PRUNE2: variants seen among roughly 807,000 people sequenced by gnomAD.
PRUNE2 encodes the protein prune homolog 2 with BCH domain, also known as protein prune homolog 2.
Under a neutral mutation model 252.0 loss-of-function variants are expected in PRUNE2, and 164 were observed. That is an observed-to-expected ratio of 0.65 (90% confidence interval 0.57 to 0.74). The LOEUF (loss-of-function observed/expected upper bound fraction) is 0.74, where lower values mean the gene tolerates loss of function less well. Ranked by LOEUF, PRUNE2 falls within the 30% of genes least tolerant of loss-of-function variation. The pLI is 0.00. For missense variants in PRUNE2, 3,495 were observed against 3,711.0 expected (o/e 0.94, Z 1.51); for synonymous variants, 1,292 against 1,350.2 (o/e 0.96, Z 0.94).
intron 9 of PRUNE2, chr9:76,692,253 A>G: frequency 1.4e-6 from 1 of 692,662 alleles, no homozygotes. Flanking sequence ...CTCCCCATGC[A>G]GCCGCTGTGG....
intron 6 of PRUNE2, among the ~76,000 whole-genome samples, chr9:76,820,302 T>C (rs2057963116): frequency 1.3e-5 from 2 of 152,340 alleles, no homozygotes; most frequent in African/African-American, 2.4e-5. Flanking sequence ...ATTCAGTAAC[T>C]TATATAACAA....
intron 2 of PRUNE2, among the ~76,000 whole-genome samples, chr9:76,851,398 A>G (rs1325274739): frequency 6.6e-6 from 1 of 152,178 alleles, no homozygotes; most frequent in Non-Finnish European, 1.5e-5. Flanking sequence ...ATACAAAAAA[A>G]TTAGCCGGGC....
chr9:76,780,235 G>A (rs965654330), intron 6 of PRUNE2, among the ~76,000 whole-genome samples: 1 of 152,084 alleles, frequency 6.6e-6, no homozygotes, highest in African/African-American at 2.4e-5. Context: ...TTGATTATCA[G>A]CCAGTAAACT....
At chr9:76,867,256 T>C (rs1004254593) in intron 1 of PRUNE2, among the ~76,000 whole-genome samples, 2 of 151,434 alleles carry the variant, frequency 1.3e-5, no homozygotes, top group Non-Finnish European at 1.5e-5. Context: ...CTTTCTTTTT[T>C]ATCTTTTATC....
chr9:76,717,311 T>C (rs1173956204), intron 6 of PRUNE2, among the ~76,000 whole-genome samples: 3 of 152,242 alleles, frequency 2.0e-5, no homozygotes, highest in South Asian at 2.1e-4. Context: ...GTGTTTGTTC[T>C]GCTTTTATGC....
chr9:76,660,756 T>C (rs1851018525), intron 9 of PRUNE2, among the ~76,000 whole-genome samples: 1 of 128,310 alleles, frequency 7.8e-6, no homozygotes, highest in African/African-American at 3.0e-5. Flanking sequence ...AACTCCAGCC[T>C]GGGCAACAGA....
intron 4 of PRUNE2, among the ~76,000 whole-genome samples, chr9:76,831,530 TAAC>T (rs920774531): frequency 6.6e-6 from 1 of 152,002 alleles, no homozygotes; most frequent in Admixed American, 6.6e-5. Context: ...ATTTTAATAG[TAAC>T]AAACTGAGGA....
chr9:76,856,155 G>A (rs1331264836), intron 1 of PRUNE2, among the ~76,000 whole-genome samples: 1 of 152,182 alleles, frequency 6.6e-6, no homozygotes, highest in Non-Finnish European at 1.5e-5. Context: ...TTATAGGTCA[G>A]AGGAGTCTGT....
intron 1 of PRUNE2, chr9:76,856,955 T>C (rs913964445): frequency 2.8e-5 from 11 of 396,700 alleles, no homozygotes; most frequent in Non-Finnish European, 4.9e-5. Context: ...AGTTTCACCA[T>C]GTTGGCCAGG....
At chr9:76,788,546 G>A in intron 6 of PRUNE2, 1 of 717,092 alleles carries the variant, frequency 1.4e-6, no homozygotes, top group Non-Finnish European at 2.6e-6. Context: ...TGTAAAATGG[G>A]GGTGTTGACA....
intron 1 of PRUNE2, among the ~76,000 whole-genome samples, chr9:76,879,593 A>G (rs2061645985): frequency 6.6e-6 from 1 of 151,686 alleles, no homozygotes; most frequent in Admixed American, 6.6e-5. Flanking sequence ...GAAGAAAAAA[A>G]TAACAGGGAA....
At chr9:76,618,578 T>C (rs1274246179) in intron 18 of PRUNE2, among the ~76,000 whole-genome samples, 1 of 152,222 alleles carries the variant, frequency 6.6e-6, no homozygotes, top group Admixed American at 6.5e-5. Flanking sequence ...AATAGTTTTG[T>C]CTTTCATTAA....
intron 6 of PRUNE2, chr9:76,782,937 G>T (rs1456510035): frequency 2.0e-5 from 3 of 152,196 alleles, no homozygotes; most frequent in African/African-American, 7.2e-5. Context: ...AATGTCCTGG[G>T]TCTTAGATTG....
Position 76,850,669 on chromosome 9 carries a change from C to T in PRUNE2, c.142-4G>A, listed in dbSNP as rs375622237. 2.5e-6 allele frequency: 4 copies of T among 1,606,824 alleles called. No individual in the cohort carries two copies. Among genetic ancestry groups the T allele is most frequent in the Non-Finnish European group, 3.4e-6 (4 of 1,175,910 alleles). ...ACAGAACCCCTGGTGGACTGACCTA[C>T]CAAGAAAAAAGTTGACTGAATTACT... On this transcript the variant is annotated splice_polypyrimidine_tract_variant and splice_region_variant and intron_variant, in intron 2 of 18. Coordinates refer to ENST00000376718, the MANE Select transcript of PRUNE2 (RefSeq NM_015225.3).
chr9:76,886,303 C>T (rs1048235753), intron 1 of PRUNE2, among the ~76,000 whole-genome samples: 98 of 152,108 alleles, frequency 6.4e-4, no homozygotes, highest in African/African-American at 2.3e-3. Context: ...AAGGAACATA[C>T]CCAAGTTCAC....
chr9:76,776,820 GTT>G (rs200859225), intron 6 of PRUNE2, among the ~76,000 whole-genome samples: 4 of 128,938 alleles, frequency 3.1e-5, no homozygotes, highest in African/African-American at 5.8e-5. Context: ...CCAGCCAGCA[GTT>G]TTTTTTTTTT....
chr9:76,707,644 T>C lies in PRUNE2; in HGVS notation c.4630A>G (p.Ser1544Gly), dbSNP rs1169784489. The change falls in exon 8 of 19, where the codon AGT becomes GGT. Residue 1544 changes from serine to glycine, a missense_variant. Physicochemically the swap from Ser to Gly is moderately conservative, Grantham distance 56. Transcript: ENST00000376718. ...TCATTTAACTCAGGACTTGATGCAC[T>C]TGAATGAGTATACTCACTAGAAATA... Reference protein sequence around the residue: ...DTISSEYTHSSASSPELNDSS... With the variant: ...DTISSEYTHSGASSPELNDSS... The C allele has an allele frequency of 1.2e-6, 2 of 1,613,812 alleles. No individual in the cohort carries two copies. The highest frequency in any genetic ancestry group is 1.3e-5 in the African/African-American group (1 of 74,932).
chr9:76,615,637 C>T (rs781004183), intron 18 of PRUNE2, among the ~76,000 whole-genome samples: 2 of 152,070 alleles, frequency 1.3e-5, no homozygotes, highest in Admixed American at 6.6e-5. Flanking sequence ...ACGGTCATAC[C>T]GCTTTCACAG....
At chr9:76,867,169 A>G (rs547842444) in intron 1 of PRUNE2, among the ~76,000 whole-genome samples, 1 of 151,688 alleles carries the variant, frequency 6.6e-6, no homozygotes, top group South Asian at 2.1e-4. Context: ...TCCCCCACCA[A>G]CTGCTCTGTC....
Sources: gnomAD v4.1 joint callset for allele counts (sites outside exome capture counted in the v4.1 genomes callset) on GRCh38, gnomAD v4.1.1 for gene constraint, MANE v1.5 for transcripts, NCBI Gene and HGNC (gene_info 2026-07-23, HGNC 2026-07-21) for gene names.